Variants in FER1L6 observed in about 807,000 individuals in gnomAD.
FER1L6 encodes fer-1-like protein 6.
A neutral mutation model predicts 219.2 loss-of-function variants in FER1L6; 177 were observed. The observed-to-expected ratio is 0.81, with a 90% CI of 0.71 to 0.91. FER1L6 has a LOEUF of 0.91. Among genes scored for constraint, FER1L6 ranks in the 40% least tolerant of loss-of-function variants. The pLI, the probability that FER1L6 is intolerant of heterozygous loss-of-function variation, is 0.00. For missense variants in FER1L6, 2,153 were observed against 2,259.9 expected (o/e 0.95, Z 0.96); for synonymous variants, 768 against 824.3 (o/e 0.93, Z 1.17).
At chr8:123,994,023 G>A (rs1055291072) in intron 12 of FER1L6, among the ~76,000 whole-genome samples, 4 of 152,224 alleles carry the variant, frequency 2.6e-5, no homozygotes, top group African/African-American at 7.2e-5. Context: ...TGTTAGTTAA[G>A]GCCATGCACA....
chr8:124,042,232 A>G (rs1819534113), intron 20 of FER1L6, among the ~76,000 whole-genome samples: 1 of 152,220 alleles, frequency 6.6e-6, no homozygotes, highest in African/African-American at 2.4e-5. Flanking sequence ...AAAGGAACAG[A>G]TGGCTTTTAT....
chr8:123,865,980 C>T (rs1816830510), intron 1 of FER1L6, among the ~76,000 whole-genome samples: 1 of 151,300 alleles, frequency 6.6e-6, no homozygotes, highest in African/African-American at 2.5e-5. Flanking sequence ...CGGAGCTGTT[C>T]CTATTCGGCC....
chr8:123,914,939 T>C (rs904123286), intron 1 of FER1L6, among the ~76,000 whole-genome samples: 1 of 152,194 alleles, frequency 6.6e-6, no homozygotes, highest in African/African-American at 2.4e-5. Flanking sequence ...AGGAATTTAA[T>C]CATAACTCAT....
Position 123,963,287 on chromosome 8 carries a change from G to C in FER1L6, c.86G>C (p.Gly29Ala). ...TTGTTTGCTTCTCCAGATAGTCAAG[G>C]TGACACTGAAGCACTGCAGGAGGAG... ...LANKAAKDSQ[G>A]DTEALQEEPS... The change falls in exon 3 of 41, where the codon GGT becomes GCT. Residue 29 changes from glycine to alanine, a missense_variant. Coordinates refer to ENST00000522917, the MANE Select transcript of FER1L6 (RefSeq NM_001039112.2). 1 of 1,614,010 alleles carries C rather than the reference G, an allele frequency of 6.2e-7. No homozygotes were observed. Among genetic ancestry groups the C allele is most frequent in the South Asian group, 1.1e-5 (1 of 91,072 alleles).
At chr8:124,060,991 T>A (rs1820542250) in intron 24 of FER1L6, among the ~76,000 whole-genome samples, 1 of 152,178 alleles carries the variant, frequency 6.6e-6, no homozygotes, top group African/African-American at 2.4e-5. Context: ...CCTGAGAACT[T>A]GTTAGAAATG....
intron 1 of FER1L6, among the ~76,000 whole-genome samples, chr8:123,903,067 T>A (rs2129739993): frequency 6.6e-6 from 1 of 152,284 alleles, no homozygotes; most frequent in African/African-American, 2.4e-5. Context: ...TGCTTAGTAA[T>A]TTGTTTTTTT....
chr8:123,995,645 T>C (rs1477967863), intron 12 of FER1L6, among the ~76,000 whole-genome samples: 2 of 152,128 alleles, frequency 1.3e-5, no homozygotes, highest in African/African-American at 2.4e-5. Context: ...GTATTGTTTT[T>C]ATGTTGTTGT....
chr8:124,035,327 G>T lies in FER1L6; in HGVS notation c.2337G>T (p.Val779=). 1 of 1,614,134 alleles carries T rather than the reference G, an allele frequency of 6.2e-7. No individual in the cohort carries two copies. Among genetic ancestry groups the T allele is most frequent in the South Asian group, 1.1e-5 (1 of 91,086 alleles). Residue 779 remains valine (V), a synonymous_variant, in exon 19 of 41, where the codon GTG becomes GTT. Transcript: ENST00000522917. ...GGTCTGTGCAAGCAAAAGTCGACGT[G>T]TACCTGTGGCTGGGCTCCATCAAGC... is the stretch of plus-strand genomic sequence containing the variant. ...AGWSVQAKVD[V]YLWLGSIKHA...
At chr8:124,048,691 T>A (rs6470214) in intron 21 of FER1L6, among the ~76,000 whole-genome samples, 129,978 of 152,280 alleles carry the variant, frequency 0.85, 55,680 homozygotes, top group African/African-American at 0.89. Context: ...AAGCCTATAC[T>A]ACATTCCTTT....
At chr8:124,106,372 G>A (rs895866940) in intron 39 of FER1L6, among the ~76,000 whole-genome samples, 13 of 141,632 alleles carry the variant, frequency 9.2e-5, no homozygotes, top group Non-Finnish European at 9.1e-5. Flanking sequence ...CAGAGTGGAC[G>A]TTATGATATA....
chr8:123,994,072 G>A (rs921221825), intron 12 of FER1L6, among the ~76,000 whole-genome samples: 1 of 152,200 alleles, frequency 6.6e-6, no homozygotes, highest in Admixed American at 6.5e-5. Flanking sequence ...CTACCTGAAG[G>A]TGCTGTAATA....
chr8:124,072,415 C>T (rs983389869), intron 31 of FER1L6, among the ~76,000 whole-genome samples: 7 of 152,188 alleles, frequency 4.6e-5, no homozygotes, highest in African/African-American at 1.7e-4. Flanking sequence ...ATCAAAGCAA[C>T]TGTATGAACC....
chr8:123,928,061 ATTATC>A (rs1813631916), intron 1 of FER1L6, among the ~76,000 whole-genome samples: 1 of 152,142 alleles, frequency 6.6e-6, no homozygotes, highest in African/African-American at 2.4e-5. Context: ...TGATTTGTAA[ATTATC>A]TTTGAATGGC....
chr8:124,073,333 ACG>A lies in FER1L6; in HGVS notation c.4092+1703_4092+1704del, dbSNP rs144802005. Among the ~76,000 whole-genome samples the A allele has an allele frequency of 4.5e-3, 693 of 152,316 alleles. 4 individuals carry two copies. Among genetic ancestry groups the A allele is most frequent in the African/African-American group, 0.016 (645 of 41,582 alleles). ...GACGGAGGCCTTGGGCTGGAACTTGACGACAGGAGGGACTTGAACAAACAGGG... is the reference window on the plus strand; with the variant it reads ...GACGGAGGCCTTGGGCTGGAACTTGAACAGGAGGGACTTGAACAAACAGGG... On this transcript the variant is annotated intron_variant, in intron 31 of 40. Coordinates refer to ENST00000522917, the MANE Select transcript of FER1L6 (RefSeq NM_001039112.2).
chr8:124,107,239 C>T (rs1822819633), intron 39 of FER1L6, among the ~76,000 whole-genome samples: 4 of 152,216 alleles, frequency 2.6e-5, no homozygotes, highest in Admixed American at 2.0e-4. Flanking sequence ...TGAGCCACCG[C>T]GCCCGGCCAA....
intron 21 of FER1L6, among the ~76,000 whole-genome samples, chr8:124,048,414 G>A (rs1819831563): frequency 6.6e-6 from 1 of 152,236 alleles, no homozygotes; most frequent in South Asian, 2.1e-4. Flanking sequence ...AGCAGTTCTT[G>A]AGACAAATAG....
intron 10 of FER1L6, 115 bp downstream of exon 10, chr8:123,977,724 C>T: frequency 1.1e-6 from 1 of 892,246 alleles, no homozygotes; most frequent in Non-Finnish European, 1.7e-6. Context: ...CACCAGATAC[C>T]AGTTTTATGG....
chr8:123,968,130 C>T (rs1815641261), intron 5 of FER1L6, among the ~76,000 whole-genome samples: 1 of 152,146 alleles, frequency 6.6e-6, no homozygotes, highest in African/African-American at 2.4e-5. Flanking sequence ...AATGTCAGTA[C>T]ATTTTCCCTT....
chr8:123,935,391 G>A (rs1377336665), intron 1 of FER1L6, among the ~76,000 whole-genome samples: 2 of 152,208 alleles, frequency 1.3e-5, no homozygotes, highest in South Asian at 2.1e-4. Context: ...GATATTCCAC[G>A]TTCATTTTAA....
Sources: gnomAD v4.1 joint callset for allele counts (sites outside exome capture counted in the v4.1 genomes callset) on GRCh38, gnomAD v4.1.1 for gene constraint, MANE v1.5 for transcripts, NCBI Gene and HGNC (gene_info 2026-07-23, HGNC 2026-07-21) for gene names.